The following KIAA1549L variants were observed in gnomAD, a reference collection of about 807,000 sequenced individuals.
KIAA1549L encodes the protein UPF0606 protein KIAA1549L.
Under a neutral mutation model 160.7 loss-of-function variants are expected in KIAA1549L, and 88 were observed. That is an observed-to-expected ratio of 0.55 (90% CI 0.46 to 0.65). KIAA1549L has a LOEUF of 0.65. Among genes scored for constraint, KIAA1549L ranks in the 30% least tolerant of loss-of-function variants. KIAA1549L has a pLI of 0.00. For synonymous variants in KIAA1549L, 950 were observed against 976.7 expected, an observed-to-expected ratio of 0.97 and a Z score of 0.51; for missense variants, 2,258 against 2,437.5, an observed-to-expected ratio of 0.93 and a Z score of 1.55.
chr11:33,394,063 G>A (rs965815451), intron 1 of KIAA1549L, among the ~76,000 whole-genome samples: 1 of 152,168 alleles, frequency 6.6e-6, no homozygotes, highest in Admixed American at 6.5e-5. Context: ...TCTCTCCACA[G>A]ATGGGTTTTC....
rs1164081189 is a variant in KIAA1549L at position 33,668,062 on chromosome 11, A to C, written c.6349A>C (p.Asn2117His). 2 of 1,613,988 alleles carry C rather than the reference A, an allele frequency of 1.2e-6. No individual in the cohort carries two copies. Among genetic ancestry groups the C allele is most frequent in the Admixed American group, 3.3e-5 (2 of 60,020 alleles). Reference protein sequence around the residue: ...ENDPSDAPLTNISTAALVKAI... With the variant: ...ENDPSDAPLTHISTAALVKAI... ...CGACCCGTCTGACGCTCCCCTGACC[A>C]ACATCTCCACTGCGGCCCTTGTGAA... Residue 2117 changes from asparagine to histidine, a missense_variant, in exon 21 of 21, where the codon AAC becomes CAC. Physicochemically the swap from Asn to His is moderately conservative, Grantham distance 68 (BLOSUM62 1). This residue lies in a region of KIAA1549L where 1,359 missense variants were observed against 1,546.6 expected (regional missense o/e 0.88). Transcript: ENST00000658780.
intron 1 of KIAA1549L, among the ~76,000 whole-genome samples, chr11:33,454,518 G>A (rs534349886): frequency 4.2e-4 from 64 of 152,270 alleles, no homozygotes; most frequent in South Asian, 2.5e-3. Flanking sequence ...GGGCTTCATT[G>A]CATTAAGGGG....
At chr11:33,529,849 A>G (rs1853697906) in intron 1 of KIAA1549L, among the ~76,000 whole-genome samples, 1 of 152,194 alleles carries the variant, frequency 6.6e-6, no homozygotes, top group Admixed American at 6.5e-5. Context: ...AGCTAGAAAT[A>G]AGGAGTTGTG....
At chr11:33,475,429 C>T (rs770528077) in intron 1 of KIAA1549L, among the ~76,000 whole-genome samples, 82 of 152,058 alleles carry the variant, frequency 5.4e-4, no homozygotes, top group Non-Finnish European at 7.9e-4. Context: ...TAGTGGCTCA[C>T]GTCTATAATC....
chr11:33,427,726 T>A (rs11032266), intron 1 of KIAA1549L, among the ~76,000 whole-genome samples: 4,618 of 152,310 alleles, frequency 0.03, 239 homozygotes, highest in African/African-American at 0.11. Context: ...TCTATCCACT[T>A]CTGAAACCTT....
At chr11:33,403,955 C>T (rs1030221062) in intron 1 of KIAA1549L, among the ~76,000 whole-genome samples, 1 of 152,170 alleles carries the variant, frequency 6.6e-6, no homozygotes, top group African/African-American at 2.4e-5. Flanking sequence ...ATGATGAAAA[C>T]AGATTTCATA....
At chr11:33,434,393 A>G (rs192449872) in intron 1 of KIAA1549L, among the ~76,000 whole-genome samples, 18 of 152,348 alleles carry the variant, frequency 1.2e-4, no homozygotes, top group Non-Finnish European at 2.2e-4. Flanking sequence ...CTGTGAGTCA[A>G]TTAAATCTCT....
intron 1 of KIAA1549L, among the ~76,000 whole-genome samples, chr11:33,377,713 A>G (rs1008367258): frequency 6.6e-6 from 1 of 152,126 alleles, no homozygotes. Flanking sequence ...CAAGGAATAT[A>G]TTTCTCACTT....
chr11:33,537,971 G>T lies in KIAA1549L; in HGVS notation c.239-3831G>T, dbSNP rs893566224. 1.8e-4 allele frequency among the ~76,000 whole-genome samples: 28 copies of T among 152,152 alleles called. 1 individual carries two copies. The highest frequency in any genetic ancestry group is 1.4e-3 in the Admixed American group (21 of 15,278). Reference sequence around the variant, plus strand: ...GATATGTGTATTAGTCCATTTTCATGCTGCTGTAAAGACATACCCGAGACT... The same window carrying T: ...GATATGTGTATTAGTCCATTTTCATTCTGCTGTAAAGACATACCCGAGACT... On this transcript the variant is annotated intron_variant, in intron 1 of 20. Transcript: ENST00000658780.
At chr11:33,661,037 C>T (rs377529467) in intron 20 of KIAA1549L, 23 bp downstream of exon 20, 8 of 1,589,082 alleles carry the variant, frequency 5.0e-6, no homozygotes, top group Admixed American at 3.6e-5. Context: ...CTCTTCACCT[C>T]ATAAAACTTT....
intron 2 of KIAA1549L, 83 bp from the exon 3 acceptor site, chr11:33,544,684 A>G (rs756305222): frequency 1.8e-4 from 267 of 1,501,602 alleles, no homozygotes; most frequent in Non-Finnish European, 2.2e-4. Flanking sequence ...TAGCAAATCC[A>G]TAAGTTACAT....
intron 6 of KIAA1549L, 82 bp from the exon 7 acceptor site, chr11:33,559,667 C>T: frequency 8.3e-7 from 1 of 1,198,470 alleles, no homozygotes; most frequent in Non-Finnish European, 1.2e-6. Flanking sequence ...CCTGCTTAGC[C>T]TCCCCCTCCC....
At chr11:33,545,509 G>A in intron 3 of KIAA1549L, 131 bp downstream of exon 3, 1 of 1,135,810 alleles carries the variant, frequency 8.8e-7, no homozygotes, top group Middle Eastern at 3.0e-4. Context: ...ATTTGGCTAT[G>A]TCTGGAGACA....
chr11:33,568,022 G>A, intron 8 of KIAA1549L, 54 bp from the exon 9 acceptor site: 1 of 1,514,046 alleles, frequency 6.6e-7, no homozygotes, highest in Non-Finnish European at 8.9e-7. Context: ...TGTGCTTACT[G>A]AATCAGCAGA....
At chr11:33,484,033 T>G (rs1852469786) in intron 1 of KIAA1549L, among the ~76,000 whole-genome samples, 1 of 152,196 alleles carries the variant, frequency 6.6e-6, no homozygotes, top group Admixed American at 6.5e-5. Context: ...GCATATGGCT[T>G]TATTTGGGGC....
chr11:33,381,099 G>A (rs1028601391), intron 1 of KIAA1549L, among the ~76,000 whole-genome samples: 2 of 151,972 alleles, frequency 1.3e-5, no homozygotes, highest in African/African-American at 2.4e-5. Flanking sequence ...TACCAGTCAC[G>A]TGAAGATCTC....
At chr11:33,381,407 A>G (rs1041932882) in intron 1 of KIAA1549L, among the ~76,000 whole-genome samples, 5 of 152,326 alleles carry the variant, frequency 3.3e-5, no homozygotes, top group Admixed American at 1.3e-4. Flanking sequence ...AGAATATTCC[A>G]GGCTGTGGGA....
rs148896473 is a variant in KIAA1549L at position 33,393,085 on chromosome 11, C to T, written c.238+16196C>T. On this transcript the variant is annotated intron_variant, in intron 1 of 20. Transcript: ENST00000658780. ...CAAACCTTTTGTCGGCTCTTCATAA[C>T]TCAGTTTGACTTCATTGCTTAGCAA... Among the ~76,000 whole-genome samples the T allele has an allele frequency of 2.2e-3, 330 of 152,268 alleles. 4 individuals are homozygous for T. Among genetic ancestry groups the T allele is most frequent in the African/African-American group, 7.3e-3 (304 of 41,566 alleles).
At chr11:33,584,934 T>C (rs1332539923) in intron 11 of KIAA1549L, among the ~76,000 whole-genome samples, 2 of 152,236 alleles carry the variant, frequency 1.3e-5, no homozygotes, top group African/African-American at 2.4e-5. Context: ...TTGGAATGCA[T>C]GTCGGCCATG....
Sources: gnomAD v4.1 joint callset for allele counts (sites outside exome capture counted in the v4.1 genomes callset) on GRCh38, gnomAD v4.1.1 for gene constraint, gnomAD v4.1.1 regional missense constraint, MANE v1.5 for transcripts, NCBI Gene and HGNC (gene_info 2026-07-23, HGNC 2026-07-21) for gene names.